GPD1L: variants seen among roughly 807,000 people sequenced by gnomAD.
GPD1L encodes the protein glycerol-3-phosphate dehydrogenase 1 like.
A neutral mutation model predicts 32.9 loss-of-function variants in GPD1L; 17 were observed. The ratio of observed to expected loss-of-function variants is 0.52; its 90% CI spans 0.35 to 0.78. GPD1L has a LOEUF of 0.78. Ranked by LOEUF, GPD1L falls within the 30% of genes least tolerant of loss-of-function variation. The pLI is 0.01. For synonymous variants in GPD1L, 187 were observed against 165.9 expected (o/e 1.13, Z -0.98); for missense variants, 361 against 447.8 (o/e 0.81, Z 1.75).
intron 2 of GPD1L, among the ~76,000 whole-genome samples, chr3:32,134,683 G>A (rs1010858918): frequency 1.3e-5 from 2 of 151,898 alleles, no homozygotes. Flanking sequence ...AGATGAAGTC[G>A]CACTGTGTTG....
In GPD1L at chr3:32,140,276, C is replaced by T. The variant is rs771369026; in HGVS notation, c.415C>T (p.Arg139Cys). Residue 139 changes from arginine to cysteine, a missense_variant, in exon 4 of 8, where the codon CGT (arginine) becomes TGT (cysteine). Arg to Cys is a radical substitution (Grantham distance 180). Transcript: ENST00000282541. ...GCTGAAGCTCATTTCTGACATCATC[C>T]GTGAGAAGATGGGTATTGACATCAG... ...EGLKLISDII[R>C]EKMGIDISVL... The T allele has an allele frequency of 6.2e-6, 10 of 1,613,774 alleles. No individual in the cohort carries two copies. The highest frequency in any genetic ancestry group is 2.2e-5 in the East Asian group (1 of 44,880).
At chr3:32,162,859 A>G (rs1701090309) in intron 7 of GPD1L, among the ~76,000 whole-genome samples, 1 of 151,790 alleles carries the variant, frequency 6.6e-6, no homozygotes, top group Non-Finnish European at 1.5e-5. Flanking sequence ...CCCATGTTTA[A>G]GTAATTCTCT....
intron 2 of GPD1L, among the ~76,000 whole-genome samples, chr3:32,129,406 C>T (rs1045039832): frequency 2.0e-5 from 3 of 152,146 alleles, no homozygotes; most frequent in Non-Finnish European, 2.9e-5. Context: ...TTACAGTGTT[C>T]GTTAGTGTCA....
chr3:32,155,113 G>A (rs1032114868), intron 5 of GPD1L, among the ~76,000 whole-genome samples: 2 of 152,198 alleles, frequency 1.3e-5, no homozygotes, highest in African/African-American at 2.4e-5. Flanking sequence ...AAAGGGTCAG[G>A]CAGGTCTTTT....
chr3:32,154,313 G>C (rs1178356705), intron 5 of GPD1L, among the ~76,000 whole-genome samples: 2 of 152,246 alleles, frequency 1.3e-5, no homozygotes, highest in Admixed American at 1.3e-4. Flanking sequence ...CTGCAGTGAA[G>C]GGGCCACAGA....
intron 5 of GPD1L, among the ~76,000 whole-genome samples, chr3:32,152,364 A>G (rs542897539): frequency 1.2e-4 from 18 of 152,184 alleles, no homozygotes; most frequent in Non-Finnish European, 1.9e-4. Context: ...TTGTGCTGCT[A>G]TAACAGAACA....
intron 1 of GPD1L, among the ~76,000 whole-genome samples, chr3:32,118,167 G>A (rs915672413): frequency 3.9e-5 from 6 of 152,078 alleles, no homozygotes; most frequent in East Asian, 1.9e-4. Context: ...CTTTGGATTC[G>A]GGGTCTGTTA....
chr3:32,152,575 A>T (rs890119338), intron 5 of GPD1L, among the ~76,000 whole-genome samples: 3 of 152,036 alleles, frequency 2.0e-5, no homozygotes, highest in Admixed American at 1.3e-4. Flanking sequence ...ACAGAGAGCC[A>T]CTCCCGGAGT....
chr3:32,163,622 A>G (rs966992256), intron 7 of GPD1L, among the ~76,000 whole-genome samples: 2 of 152,170 alleles, frequency 1.3e-5, no homozygotes, highest in Non-Finnish European at 2.9e-5. Context: ...CTAATGGTTG[A>G]TCATTGGCTT....
At chr3:32,129,466 C>G (rs886355247) in intron 2 of GPD1L, among the ~76,000 whole-genome samples, 1 of 152,146 alleles carries the variant, frequency 6.6e-6, no homozygotes, top group African/African-American at 2.4e-5. Flanking sequence ...TCTCAATAAC[C>G]CTCTTAGGCT....
intron 1 of GPD1L, among the ~76,000 whole-genome samples, chr3:32,123,875 G>C (rs888995517): frequency 6.7e-6 from 1 of 150,358 alleles, no homozygotes; most frequent in Non-Finnish European, 1.5e-5. Flanking sequence ...GACTATGCTT[G>C]TGTAGTGTTA....
At chr3:32,159,465 T>TAAA (rs35234737) in intron 6 of GPD1L, 103 bp from the exon 7 acceptor site, 34 of 606,924 alleles carry the variant, frequency 5.6e-5, no homozygotes, top group South Asian at 1.2e-4. Flanking sequence ...ACCCATTCTC[T>TAAA]AAAAAAAAAA....
At position 32,154,755 on chromosome 3, in the gene GPD1L, C is replaced by CT. The variant is rs35621451; in HGVS notation, c.619-4109dup. ...TATTACCTTTTCTTCTCCTAAGCTA[C>CT]TTTTTTTTTTTTGAGACAGGCTCAC... is the stretch of plus-strand genomic sequence containing the variant. On this transcript the variant is annotated intron_variant, in intron 5 of 7. Transcript: ENST00000282541. Among the ~76,000 whole-genome samples the CT allele has an allele frequency of 3.3e-3, 480 of 147,196 alleles. 5 individuals are homozygous for CT. Among genetic ancestry groups the CT allele is most frequent in the African/African-American group, 0.011 (448 of 39,896 alleles).
chr3:32,108,510 C>T (rs1202300405), intron 1 of GPD1L, among the ~76,000 whole-genome samples: 6 of 152,060 alleles, frequency 3.9e-5, no homozygotes, highest in Non-Finnish European at 5.9e-5. Context: ...GAAACCCTGT[C>T]TCAAAAGAAC....
rs776479328 is a variant in GPD1L, at chr3:32,106,692, C to T, written c.-20C>T. 4 of 1,552,980 alleles carry T rather than the reference C, an allele frequency of 2.6e-6. No individual in the cohort carries two copies. In the Admixed American group the frequency reaches 5.6e-5, roughly 22 times the overall value. On this transcript the variant is annotated 5_prime_UTR_variant, in exon 1 of 8. Coordinates refer to ENST00000282541, the MANE Select transcript of GPD1L (RefSeq NM_015141.4). This position sits in a 1 kb window ranked among gnomAD's most constrained non-coding sequence, Gnocchi z 4.0. ...GCCGGCCAGGGAAGCACGGTCCAGG[C>T]GGCTACATTCGGCCCGGCCATGGCA...
At chr3:32,111,448 C>G (rs1485886808) in intron 1 of GPD1L, among the ~76,000 whole-genome samples, 1 of 152,124 alleles carries the variant, frequency 6.6e-6, no homozygotes, top group Non-Finnish European at 1.5e-5. Flanking sequence ...GTATTGATAC[C>G]TGCTGTCTGG....
chr3:32,161,707 A>G (rs1294421396), intron 7 of GPD1L, among the ~76,000 whole-genome samples: 2 of 152,208 alleles, frequency 1.3e-5, no homozygotes, highest in Non-Finnish European at 2.9e-5. Flanking sequence ...TTTCAAAAGC[A>G]GGTGTAATCA....
rs1197545605 is a variant in GPD1L, at chr3:32,168,363, TCA to T, written c.*2454_*2455del. 6.6e-6 allele frequency: 1 copy of T among 152,662 alleles called. No individual in the cohort carries two copies. The highest frequency in any genetic ancestry group is 2.4e-5 in the African/African-American group (1 of 41,452). 9.5% of individuals were successfully genotyped at this position (152,662 alleles called of 1,614,324 possible). On this transcript the variant is annotated 3_prime_UTR_variant, in exon 8 of 8. Coordinates refer to ENST00000282541, the MANE Select transcript of GPD1L (RefSeq NM_015141.4). ...GGAGGGAGACACCTAGATTAGCAGCTCAATTTGTACTACTTCAGCCAATCTGT... is the reference window on the plus strand; with the variant it reads ...GGAGGGAGACACCTAGATTAGCAGCTATTTGTACTACTTCAGCCAATCTGT...
At chr3:32,131,557 C>A (rs1478775242) in intron 2 of GPD1L, among the ~76,000 whole-genome samples, 1 of 152,168 alleles carries the variant, frequency 6.6e-6, no homozygotes, top group Admixed American at 6.5e-5. Flanking sequence ...TGTGAAGCTC[C>A]ATCCATGTTG....
Sources: gnomAD v4.1 joint callset for allele counts (sites outside exome capture counted in the v4.1 genomes callset) on GRCh38, gnomAD v4.1.1 for gene constraint, Gnocchi (gnomAD v3.1) non-coding constraint, MANE v1.5 for transcripts, NCBI Gene and HGNC (gene_info 2026-07-23, HGNC 2026-07-21) for gene names.